The following SNX2 variants were observed in gnomAD, a reference collection of about 807,000 sequenced individuals.
SNX2 encodes sorting nexin 2.
A neutral mutation model predicts 69.9 loss-of-function variants in SNX2; 25 were observed. The ratio of observed to expected loss-of-function variants is 0.36; its 90% confidence interval spans 0.26 to 0.50. SNX2 has a LOEUF of 0.50. Among genes scored for constraint, SNX2 ranks in the 20% least tolerant of loss-of-function variants. The probability of loss-of-function intolerance (pLI) is 0.97; values close to 1 mark genes in which losing one functional copy is unlikely to be tolerated. For synonymous variants in SNX2, 229 were observed against 200.4 expected (o/e 1.14, Z -1.20); for missense variants, 551 against 613.3 (o/e 0.90, Z 1.07).
At chr5:122,820,782 A>G (rs1322528026) in intron 11 of SNX2, among the ~76,000 whole-genome samples, 3 of 152,334 alleles carry the variant, frequency 2.0e-5, no homozygotes, top group East Asian at 1.9e-4. Flanking sequence ...AGTTATGTAT[A>G]TAGTATCCCT....
chr5:122,816,702 C>A (rs536998694), intron 8 of SNX2, among the ~76,000 whole-genome samples: 1 of 151,456 alleles, frequency 6.6e-6, no homozygotes, highest in African/African-American at 2.4e-5. Context: ...AATGGAAAGT[C>A]TATTTTTTAA....
At chr5:122,824,141 G>A (rs908251329) in intron 11 of SNX2, among the ~76,000 whole-genome samples, 1 of 150,030 alleles carries the variant, frequency 6.7e-6, no homozygotes, top group Admixed American at 6.7e-5. Context: ...GTTGGAGCTC[G>A]CAGTGAGCTG....
intron 1 of SNX2, among the ~76,000 whole-genome samples, chr5:122,794,851 A>C (rs1250345615): frequency 6.6e-6 from 1 of 151,898 alleles, no homozygotes; most frequent in East Asian, 1.9e-4. Flanking sequence ...CCCCATCTCT[A>C]CAAAAAATAA....
chr5:122,808,286 AG>A lies in SNX2; in HGVS notation c.655del (p.Val219SerfsTer14). On this transcript the variant is annotated frameshift_variant, in exon 7 of 15. Transcript: ENST00000379516. LOFTEE classifies it high-confidence loss of function. ...APEKSIVGMT[K>X]VKVGKEDSSS... is the part of the protein sequence containing the mutation. Reference sequence around the variant, plus strand: ...TTCAACTTCTTCAAAGGGATGACCAAGGTCAAAGTGGGTAAAGAAGACTCAT... The same window carrying A: ...TTCAACTTCTTCAAAGGGATGACCAAGTCAAAGTGGGTAAAGAAGACTCAT... The A allele has an allele frequency of 6.2e-7, 1 of 1,605,956 alleles. No homozygotes were observed. Among genetic ancestry groups the A allele is most frequent in the African/African-American group, 1.3e-5 (1 of 74,744 alleles).
intron 7 of SNX2, among the ~76,000 whole-genome samples, chr5:122,809,228 A>G (rs1426245385): frequency 6.6e-6 from 1 of 152,196 alleles, no homozygotes; most frequent in Non-Finnish European, 1.5e-5. Context: ...ATAGGTTATT[A>G]TGCAAACACT....
rs1266619177 is a variant in SNX2 at position 122,829,612 on chromosome 5, G to A, written c.1524G>A (p.Trp508Ter). The change falls in exon 15 of 15, where the codon TGG becomes TGA. Residue 508 changes from tryptophan (W) to a stop codon, truncating the protein, a stop_gained. Transcript: ENST00000379516. LOFTEE classifies it high-confidence loss of function. ...VQTQQQLIKY[W>*]EAFLPEAKAI... is the part of the protein sequence containing the mutation. Reference sequence around the variant, plus strand: ...ATCATTCACAGCTGATAAAATACTGGGAAGCATTCCTACCTGAAGCCAAAG... The same window carrying A: ...ATCATTCACAGCTGATAAAATACTGAGAAGCATTCCTACCTGAAGCCAAAG... The A allele has an allele frequency of 6.2e-7, 1 of 1,612,728 alleles. No individual in the cohort carries two copies.
At chr5:122,795,428 T>C (rs189573523) in intron 2 of SNX2, 45 bp downstream of exon 2, 237 of 1,247,712 alleles carry the variant, frequency 1.9e-4, no homozygotes, top group Admixed American at 7.7e-4. Flanking sequence ...AATTGCAGTA[T>C]ATTTTCTATT....
intron 2 of SNX2, among the ~76,000 whole-genome samples, chr5:122,796,606 T>TG (rs1380264697): frequency 6.6e-6 from 1 of 152,242 alleles, no homozygotes; most frequent in Non-Finnish European, 1.5e-5. Flanking sequence ...TTTCATGGTA[T>TG]TTGTATCTTA....
chr5:122,832,801 A>T lies in SNX2; in HGVS notation c.*3153A>T, dbSNP rs1328164304. 1.3e-5 allele frequency: 2 copies of T among 152,196 alleles called. No individual in the cohort carries two copies. Among genetic ancestry groups the T allele is most frequent in the Non-Finnish European group, 2.9e-5 (2 of 68,030 alleles). The allele number at this position is 152,196 out of a possible 1,614,324, so 9.4% of individuals were successfully genotyped here. ...TCCATTATTCTGCCTTAAATAAGGG[A>T]TGTTACTTCAGTTTTCTTGTCATGG... On this transcript the variant is annotated 3_prime_UTR_variant, in exon 15 of 15. Transcript: ENST00000379516.
Position 122,799,750 on chromosome 5 carries a change from A to G in SNX2, c.285A>G (p.Glu95=). 6.2e-7 allele frequency: 1 copy of G among 1,613,916 alleles called. No homozygotes were observed. Among genetic ancestry groups the G allele is most frequent in the Non-Finnish European group, 8.5e-7 (1 of 1,179,862 alleles). ...AAAGGGAACCTATCCTATCCTCGGA[A>G]CCTTCTCCTGCAGTCACACCTGTCA... ...SPEREPILSS[E]PSPAVTPVTP... is the part of the protein sequence containing the mutation. Residue 95 remains glutamate, a synonymous_variant, in exon 3 of 15, where the codon GAA becomes GAG. Transcript: ENST00000379516.
intron 1 of SNX2, among the ~76,000 whole-genome samples, chr5:122,783,255 T>C (rs1257760344): frequency 2.6e-5 from 4 of 152,186 alleles, no homozygotes; most frequent in Admixed American, 6.5e-5. Context: ...AGTGACTTGT[T>C]TTTTTGTTTG....
In SNX2 at chr5:122,829,747, T is replaced by G; in HGVS notation, c.*99T>G. On this transcript the variant is annotated 3_prime_UTR_variant, in exon 15 of 15. Coordinates refer to ENST00000379516, the MANE Select transcript of SNX2 (RefSeq NM_003100.4). ...AAAACCATCTAAATAAACCACTATA[T>G]ATTTTATGAATTACATGTGGTTTTA... 3 of 904,310 alleles carry G rather than the reference T, an allele frequency of 3.3e-6. No homozygotes were observed. The highest frequency in any genetic ancestry group is 5.4e-6 in the Non-Finnish European group (3 of 552,768). The allele number at this position is 904,310 out of a possible 1,614,324, so 56.0% of individuals were successfully genotyped here.
At position 122,818,967 on chromosome 5, in the gene SNX2, T is replaced by G. The variant is rs1227496348; in HGVS notation, c.1156T>G (p.Phe386Val). ...QLHQEQAFADFYMFSELLSDY... is the reference protein window; with the variant it reads ...QLHQEQAFADVYMFSELLSDY... ...ACATCAAGAACAAGCTTTTGCTGAC[T>G]TTTATATGTTTTCAGAACTACTTAG... The change falls in exon 11 of 15, where the codon TTT becomes GTT. Residue 386 changes from phenylalanine (F) to valine (V), a missense_variant. By Grantham distance (50) the Phe-to-Val change is conservative. Coordinates refer to ENST00000379516, the MANE Select transcript of SNX2 (RefSeq NM_003100.4). 1 of 1,613,836 alleles carries G rather than the reference T, an allele frequency of 6.2e-7. No homozygotes were observed. Among genetic ancestry groups the G allele is most frequent in the Non-Finnish European group, 8.5e-7 (1 of 1,179,898 alleles).
chr5:122,781,391 G>A (rs1752978703), intron 1 of SNX2, among the ~76,000 whole-genome samples: 2 of 152,176 alleles, frequency 1.3e-5, no homozygotes, highest in Non-Finnish European at 1.5e-5. Flanking sequence ...TTGTTTGTAT[G>A]TAACAGTTTG....
At chr5:122,804,831 C>CT (rs984241786) in intron 6 of SNX2, among the ~76,000 whole-genome samples, 6 of 151,968 alleles carry the variant, frequency 3.9e-5, no homozygotes, top group Admixed American at 1.3e-4. Flanking sequence ...TTACCTTTTT[C>CT]TTTTTTTTCC....
chr5:122,810,418 AAAAG>A (rs1264085605), intron 7 of SNX2, among the ~76,000 whole-genome samples: 1 of 151,572 alleles, frequency 6.6e-6, no homozygotes, highest in East Asian at 1.9e-4. Context: ...AAAAAAAAAA[AAAAG>A]AATAAAGGTA....
rs1008355368 is a variant in SNX2, at chr5:122,777,391, G to T, written c.108+2180G>T. ...TCTGGTCCATAGACAACATTGAGTT[G>T]CAAGGCCCTACGTGATTCTGATATA... On this transcript the variant is annotated intron_variant, in intron 1 of 14. Transcript: ENST00000379516. 2.8e-4 allele frequency among the ~76,000 whole-genome samples: 43 copies of T among 152,286 alleles called. 1 individual carries two copies. The highest frequency in any genetic ancestry group is 9.6e-4 in the African/African-American group (40 of 41,554).
Position 122,833,280 on chromosome 5 carries a change from A to AT in SNX2, c.*3636dup. The AT allele has an allele frequency of 6.6e-6, 1 of 152,210 alleles. No individual in the cohort carries two copies. Among genetic ancestry groups the AT allele is most frequent in the Non-Finnish European group, 1.5e-5 (1 of 67,988 alleles). The allele number at this position is 152,210 out of a possible 1,614,324, so 9.4% of individuals were successfully genotyped here. On this transcript the variant is annotated 3_prime_UTR_variant, in exon 15 of 15. Transcript: ENST00000379516. ...ACAAGATAAATGTGAGTAATAGTTC[A>AT]TTTTCCTGCATTTTTGATGAGGGCC...
At position 122,799,692 on chromosome 5, in the gene SNX2, A is replaced by G; in HGVS notation, c.227A>G (p.Glu76Gly). The G allele has an allele frequency of 6.2e-7, 1 of 1,610,760 alleles. No homozygotes were observed. The highest frequency in any genetic ancestry group is 1.1e-5 in the South Asian group (1 of 90,600). Reference sequence around the variant, plus strand: ...ACTAACTTGTTTAATCTATGTCTAGAAGCCACAGAAGAAGTTTCTTTGGAC... The same window carrying G: ...ACTAACTTGTTTAATCTATGTCTAGGAGCCACAGAAGAAGTTTCTTTGGAC... ...LDDDREDLFA[E>G]ATEEVSLDSP... The change falls in exon 3 of 15, where the codon GAA (glutamate) becomes GGA (glycine). Residue 76 changes from glutamate to glycine, a missense_variant and splice_region_variant. Physicochemically the swap from Glu to Gly is moderately conservative, Grantham distance 98 (BLOSUM62 -2). Around this residue, in one of 2 missense-constraint regions of SNX2, gnomAD observed 191 missense variants for 162.9 expected, o/e 1.17. Coordinates refer to ENST00000379516, the MANE Select transcript of SNX2 (RefSeq NM_003100.4).
Sources: allele counts gnomAD v4.1 joint callset (sites outside exome capture counted in the v4.1 genomes callset), GRCh38; gene constraint gnomAD v4.1.1; regional missense constraint gnomAD v4.1.1; transcripts MANE v1.5; gene names NCBI Gene and HGNC (gene_info 2026-07-23, HGNC 2026-07-21).